The following SVIL variants were observed in gnomAD, a reference collection of about 807,000 sequenced individuals.
SVIL encodes archvillin.
SVIL carries 101 observed loss-of-function variants against 240.4 expected under a neutral mutation model. That is an observed-to-expected ratio of 0.42 (90% confidence interval 0.36 to 0.50). The LOEUF is 0.50. Among genes scored for constraint, SVIL ranks in the 20% least tolerant of loss-of-function variants. The pLI is 0.01. For synonymous variants in SVIL, 999 were observed against 1,100.0 expected, an observed-to-expected ratio of 0.91 and a Z score of 1.82; for missense variants, 2,512 against 2,818.7, an observed-to-expected ratio of 0.89 and a Z score of 2.46.
chr10:29,646,373 C>T lies in SVIL; in HGVS notation c.-201+11596G>A, dbSNP rs17835504. The stretch of plus-strand genomic sequence containing the variant: ...TATAGGACTCCCTTGCAAAATCTTC[C>T]GTGCATTCTGATCTCCTGGGCTTGG... On this transcript the variant is annotated intron_variant, in intron 3 of 35. Transcript: ENST00000375400. Among the ~76,000 whole-genome samples the T allele has an allele frequency of 2.4e-4, 36 of 152,304 alleles. No individual in the cohort carries two copies. The East Asian group carries it at 6.8e-3, about 29-fold the overall frequency.
chr10:29,593,402 G>T (rs965874841), intron 1 of SVIL, among the ~76,000 whole-genome samples: 2 of 152,068 alleles, frequency 1.3e-5, no homozygotes, highest in African/African-American at 4.8e-5. Context: ...CTGTGGACTC[G>T]AGAGCATTTC....
chr10:29,481,172 T>TTGTG (rs57675284), intron 28 of SVIL, among the ~76,000 whole-genome samples: 5,661 of 131,438 alleles, frequency 0.043, 363 homozygotes, highest in African/African-American at 0.15. Flanking sequence ...GTGTGTTTGT[T>TTGTG]TGTGTGTCTG....
intron 16 of SVIL, among the ~76,000 whole-genome samples, chr10:29,521,618 G>A (rs955418449): frequency 2.6e-5 from 4 of 152,120 alleles, no homozygotes; most frequent in Non-Finnish European, 4.4e-5. Context: ...AGTACAATAC[G>A]TTTTTATTTA....
rs1390578790 is a variant in SVIL, at chr10:29,457,512, G to C, written c.*735C>G. The C allele has an allele frequency of 6.6e-6, 1 of 152,610 alleles. No individual in the cohort carries two copies. The highest frequency in any genetic ancestry group is 1.5e-5 in the Non-Finnish European group (1 of 68,030). 9.5% of individuals were successfully genotyped at this position (152,610 alleles called of 1,614,324 possible). A position where few individuals can be genotyped will look rare whatever the true frequency, so the allele number is the denominator to read the frequency against. ...GTTCCAAACCATCATCAAAAATGCA[G>C]AGCAAACTTTTCTGTATATAAACTG... is the stretch of plus-strand genomic sequence containing the variant. On this transcript the variant is annotated 3_prime_UTR_variant, in exon 38 of 38. Transcript: ENST00000355867.
chr10:29,543,207 T>C (rs998741509), intron 6 of SVIL, among the ~76,000 whole-genome samples: 1 of 152,130 alleles, frequency 6.6e-6, no homozygotes, highest in Non-Finnish European at 1.5e-5. Flanking sequence ...CGGGCATACA[T>C]GGGTTAAGAG....
intron 28 of SVIL, among the ~76,000 whole-genome samples, chr10:29,481,140 G>GTGTGTGTC (rs1946792448): frequency 6.7e-6 from 1 of 148,904 alleles, no homozygotes; most frequent in Non-Finnish European, 1.5e-5. Context: ...AAGGGTGTGT[G>GTGTGTGTC]TGTGTGTGTG....
intron 3 of SVIL, among the ~76,000 whole-genome samples, chr10:29,648,183 C>T (rs1958726977): frequency 1.3e-5 from 2 of 152,160 alleles, no homozygotes; most frequent in South Asian, 2.1e-4. Context: ...TACCCAAAGC[C>T]TTTGTCTGCA....
At chr10:29,510,202 C>A (rs1324902214) in intron 17 of SVIL, among the ~76,000 whole-genome samples, 2 of 152,234 alleles carry the variant, frequency 1.3e-5, no homozygotes, top group Admixed American at 6.5e-5. Context: ...CAAAGTAAAT[C>A]TTAACATAAT....
chr10:29,658,797 A>T (rs1311812274), intron 2 of SVIL, among the ~76,000 whole-genome samples: 1 of 152,176 alleles, frequency 6.6e-6, no homozygotes, highest in Admixed American at 6.5e-5. Flanking sequence ...AGGCTTGGGA[A>T]CAGCAGCCTT....
At chr10:29,586,604 C>G (rs1345232908) in intron 1 of SVIL, among the ~76,000 whole-genome samples, 1 of 152,082 alleles carries the variant, frequency 6.6e-6, no homozygotes, top group African/African-American at 2.4e-5. Context: ...CCTCACCATT[C>G]AAAAAAGTTT....
chr10:29,607,309 G>A (rs1178779871), intron 1 of SVIL, among the ~76,000 whole-genome samples: 1 of 152,098 alleles, frequency 6.6e-6, no homozygotes, highest in Non-Finnish European at 1.5e-5. Flanking sequence ...AATTACTGAG[G>A]CTGTGTAATG....
In SVIL at chr10:29,487,235, G is replaced by A. The variant is rs372069775; in HGVS notation, c.4413C>T (p.Cys1471=). The A allele has an allele frequency of 6.8e-6, 11 of 1,613,992 alleles. No individual in the cohort carries two copies. The highest frequency in any genetic ancestry group is 6.7e-5 in the African/African-American group (5 of 74,928). The change falls in exon 24 of 38, where the codon TGC becomes TGT. Residue 1471 remains cysteine (C), a synonymous_variant. Coordinates refer to ENST00000355867, the MANE Select transcript of SVIL (RefSeq NM_021738.3). ...PRASALNSGD[C]FLLLSPHCCF... is the part of the protein sequence containing the mutation. ...AGCAGTGGGGAGAGAGCAGGAGGAAGCAGTCCCCACTGTTGAGCGCCGAAG... is the reference window on the plus strand; with the variant it reads ...AGCAGTGGGGAGAGAGCAGGAGGAAACAGTCCCCACTGTTGAGCGCCGAAG...
At position 29,530,534 on chromosome 10, in the gene SVIL, C is replaced by T. The variant is rs146533696; in HGVS notation, c.2106+73G>A. 1.2e-4 allele frequency: 186 copies of T among 1,553,154 alleles called. No homozygotes were observed. In the African/African-American group the frequency reaches 2.1e-3, roughly 18 times the overall value. On this transcript the variant is annotated intron_variant, in intron 11 of 37. Transcript: ENST00000355867. The stretch of plus-strand genomic sequence containing the variant: ...CTCCTGGCCTCAAGTGATTCTCCTG[C>T]CTTGGCCTCTCAAATAGCTGGGATT...
intron 17 of SVIL, chr10:29,507,976 G>A: frequency 5.2e-6 from 1 of 192,156 alleles, no homozygotes; most frequent in South Asian, 1.1e-4. Context: ...GTCCTCCCTT[G>A]AATGCTAATG....
intron 1 of SVIL, 60 bp from the exon 2 acceptor site, chr10:29,569,372 G>A (rs1413729361): frequency 1.2e-6 from 1 of 831,436 alleles, no homozygotes; most frequent in Non-Finnish European, 1.5e-6. Flanking sequence ...AAAATCCGGT[G>A]AGAAAAAACT....
Position 29,551,152 on chromosome 10 carries a change from C to T in SVIL, c.272G>A (p.Gly91Asp). ...GVHGDSPYGS[G>D]TMDTHSLESK... is the part of the protein sequence containing the mutation. ...CTCCAGACTGTGGGTGTCCATGGTA[C>T]CCGAACCATAGGGTGAGTCACCGTG... The change falls in exon 6 of 38, where the codon GGT becomes GAT. Residue 91 changes from glycine (G) to aspartate (D), a missense_variant. Physicochemically the swap from Gly to Asp is moderately conservative, Grantham distance 94. Transcript: ENST00000355867. 6.2e-7 allele frequency: 1 copy of T among 1,614,086 alleles called. No individual in the cohort carries two copies. Among genetic ancestry groups the T allele is most frequent in the Non-Finnish European group, 8.5e-7 (1 of 1,180,018 alleles).
rs1233162152 is a variant in SVIL at position 29,474,342 on chromosome 10, C to T, written c.5378-353G>A. ...ATTTGGTGAGGCCAGGTGAATGGCT[C>T]ATGCCTGTAATCCCAACACTCTGGG... On this transcript the variant is annotated intron_variant, in intron 29 of 37. Coordinates refer to ENST00000355867, the MANE Select transcript of SVIL (RefSeq NM_021738.3). Among the ~76,000 whole-genome samples, 3 of 152,170 alleles carry T rather than the reference C, an allele frequency of 2.0e-5. No individual in the cohort carries two copies. In the East Asian group the frequency reaches 5.8e-4, roughly 29 times the overall value.
chr10:29,559,247 A>G (rs1385628264), intron 3 of SVIL, among the ~76,000 whole-genome samples: 1 of 152,076 alleles, frequency 6.6e-6, no homozygotes, highest in Non-Finnish European at 1.5e-5. Context: ...AGAAAATGTA[A>G]GAGATATCCT....
In SVIL at chr10:29,716,740, T is replaced by C. The variant is rs541105032; in HGVS notation, c.-400+19011A>G. 6.8e-4 allele frequency among the ~76,000 whole-genome samples: 103 copies of C among 152,316 alleles called. 1 individual carries two copies. The South Asian group carries it at 0.021, about 30-fold the overall frequency. On this transcript the variant is annotated intron_variant, in intron 1 of 35. Coordinates refer to the SVIL transcript ENST00000375400. ...CATAACTCTGGCCAGTTATAAAACA[T>C]CTTGGATTCTTGAAGCAGTTTATGG...
Sources: gnomAD v4.1 joint callset for allele counts (sites outside exome capture counted in the v4.1 genomes callset) on GRCh38, gnomAD v4.1.1 for gene constraint, MANE v1.5 for transcripts, NCBI Gene and HGNC (gene_info 2026-07-23, HGNC 2026-07-21) for gene names.